The following CTNND2 variants were observed in gnomAD, a reference collection of about 807,000 sequenced individuals.
The protein encoded by CTNND2 is catenin delta 2.
Under a neutral mutation model 144.4 loss-of-function variants are expected in CTNND2, and 22 were observed. That is an observed-to-expected ratio of 0.15 (90% CI 0.11 to 0.22). The LOEUF (loss-of-function observed/expected upper bound fraction) is 0.22, where lower values mean the gene tolerates loss of function less well. Ranked by LOEUF, CTNND2 falls within the 10% of genes least tolerant of loss-of-function variation. The probability of loss-of-function intolerance (pLI) is 1.00; values close to 1 mark genes in which losing one functional copy is unlikely to be tolerated. For synonymous variants in CTNND2, 751 were observed against 695.6 expected (o/e 1.08, Z -1.25); for missense variants, 1,353 against 1,618.8 (o/e 0.84, Z 2.82).
intron 9 of CTNND2, among the ~76,000 whole-genome samples, chr5:11,283,787 C>T (rs1288304146): frequency 7.0e-6 from 1 of 143,410 alleles, no homozygotes; most frequent in African/African-American, 2.6e-5. Context: ...ATTATTCATA[C>T]ATTTTTAGAA....
intron 2 of CTNND2, among the ~76,000 whole-genome samples, chr5:11,642,073 T>C (rs972909731): frequency 1.3e-5 from 2 of 152,114 alleles, no homozygotes; most frequent in Non-Finnish European, 2.9e-5. Context: ...AATAGCAACA[T>C]TGTTTCTTAA....
chr5:11,140,018 T>C (rs67873410), intron 12 of CTNND2, among the ~76,000 whole-genome samples: 7,269 of 152,284 alleles, frequency 0.048, 270 homozygotes, highest in East Asian at 0.088. Context: ...CTTGAGATTA[T>C]AGGGATCCAC....
At chr5:11,415,753 C>A (rs1041549442) in intron 3 of CTNND2, among the ~76,000 whole-genome samples, 2 of 152,162 alleles carry the variant, frequency 1.3e-5, no homozygotes, top group African/African-American at 4.8e-5. Context: ...CCTCTCCTTG[C>A]AGGCACTTTG....
intron 16 of CTNND2, among the ~76,000 whole-genome samples, chr5:11,030,309 T>C (rs1328223968): frequency 1.3e-5 from 2 of 152,144 alleles, no homozygotes; most frequent in Non-Finnish European, 2.9e-5. Flanking sequence ...TTTTCAGCCA[T>C]TATTTCCTCT....
At chr5:11,353,880 T>C (rs990124579) in intron 8 of CTNND2, among the ~76,000 whole-genome samples, 2 of 152,130 alleles carry the variant, frequency 1.3e-5, no homozygotes, top group Non-Finnish European at 2.9e-5. Flanking sequence ...TCTCCTTCAA[T>C]TGAAGACAGA....
chr5:11,534,314 G>C (rs187511), intron 3 of CTNND2, among the ~76,000 whole-genome samples: 2 of 151,940 alleles, frequency 1.3e-5, no homozygotes, highest in African/African-American at 2.4e-5. Context: ...AAGAGCAGGG[G>C]ACAGAAATCC....
intron 16 of CTNND2, among the ~76,000 whole-genome samples, chr5:11,048,823 G>A (rs1421437180): frequency 6.6e-6 from 1 of 152,212 alleles, no homozygotes; most frequent in East Asian, 1.9e-4. Flanking sequence ...AGGTTTCCAG[G>A]TCTCCTTGAG....
At chr5:11,574,042 T>C (rs1423868930) in intron 2 of CTNND2, among the ~76,000 whole-genome samples, 1 of 152,076 alleles carries the variant, frequency 6.6e-6, no homozygotes, top group Non-Finnish European at 1.5e-5. Flanking sequence ...GACTCTAAAC[T>C]CTATCACAAT....
intron 11 of CTNND2, among the ~76,000 whole-genome samples, chr5:11,177,492 T>G (rs1490378766): frequency 6.6e-6 from 1 of 152,140 alleles, no homozygotes; most frequent in Non-Finnish European, 1.5e-5. Flanking sequence ...CACTCCTTAT[T>G]TGTGATTCCA....
chr5:11,445,214 C>A (rs923784826), intron 3 of CTNND2, among the ~76,000 whole-genome samples: 1 of 152,116 alleles, frequency 6.6e-6, no homozygotes, highest in Non-Finnish European at 1.5e-5. Flanking sequence ...CTTACAGATG[C>A]ATCACTTCAA....
At chr5:11,498,557 T>C (rs1770212516) in intron 3 of CTNND2, among the ~76,000 whole-genome samples, 2 of 152,296 alleles carry the variant, frequency 1.3e-5, no homozygotes, top group East Asian at 1.9e-4. Flanking sequence ...CAAAACATGA[T>C]GGCAAAAAAG....
intron 9 of CTNND2, among the ~76,000 whole-genome samples, chr5:11,308,743 C>T (rs975133766): frequency 3.5e-4 from 54 of 152,244 alleles, no homozygotes; most frequent in African/African-American, 1.2e-3. Flanking sequence ...TGGCTTGGAC[C>T]TTTCCATTCA....
rs574809865 is a variant in CTNND2, at chr5:11,097,657, G to A, written c.2637+918C>T. Among the ~76,000 whole-genome samples, 9 of 152,300 alleles carry A rather than the reference G, an allele frequency of 5.9e-5. No homozygotes were observed. In the East Asian group the frequency reaches 1.7e-3, roughly 29 times the overall value. On this transcript the variant is annotated intron_variant, in intron 15 of 21. Transcript: ENST00000304623. ...GGAGGGTGTAGTTACATAATGTTGA[G>A]GCCAGGGTGTGGTGAGTGTGTGACA...
chr5:11,163,125 A>G (rs891301774), intron 11 of CTNND2, among the ~76,000 whole-genome samples: 4 of 152,182 alleles, frequency 2.6e-5, no homozygotes, highest in African/African-American at 9.7e-5. Flanking sequence ...TCTTCTCTCC[A>G]TGAGTGGGGA....
intron 9 of CTNND2, among the ~76,000 whole-genome samples, chr5:11,238,980 CCTT>C (rs1197518179): frequency 6.6e-6 from 1 of 152,212 alleles, no homozygotes; most frequent in Non-Finnish European, 1.5e-5. Flanking sequence ...ATAGCACAGT[CCTT>C]CTTATAAAAG....
At chr5:11,260,430 A>AT (rs1744741248) in intron 9 of CTNND2, among the ~76,000 whole-genome samples, 1 of 152,200 alleles carries the variant, frequency 6.6e-6, no homozygotes, top group South Asian at 2.1e-4. Context: ...CGAAAACCCA[A>AT]TGAAAAAAAA....
At position 11,411,152 on chromosome 5, in the gene CTNND2, G is replaced by A. The variant is rs952623474; in HGVS notation, c.439+384C>T. On this transcript the variant is annotated intron_variant, in intron 5 of 21. Transcript: ENST00000304623. ...CTCCCAAAGTGCTGGGATTACAGGCGTAAACCACCGCGCCCGGCCAGCATT... is the reference window on the plus strand; with the variant it reads ...CTCCCAAAGTGCTGGGATTACAGGCATAAACCACCGCGCCCGGCCAGCATT... Among the ~76,000 whole-genome samples the A allele has an allele frequency of 3.9e-5, 6 of 152,050 alleles. No homozygotes were observed. The South Asian group carries it at 6.2e-4, about 16-fold the overall frequency.
At chr5:11,086,161 ATGG>A (rs1750113996) in intron 15 of CTNND2, among the ~76,000 whole-genome samples, 1 of 152,154 alleles carries the variant, frequency 6.6e-6, no homozygotes, top group Non-Finnish European at 1.5e-5. Context: ...AGTGGAGCAC[ATGG>A]TGGGAGCAGA....
chr5:11,024,264 A>C (rs2149541145), intron 16 of CTNND2, among the ~76,000 whole-genome samples: 1 of 152,294 alleles, frequency 6.6e-6, no homozygotes, highest in African/African-American at 2.4e-5. Flanking sequence ...TTAGAGAGAA[A>C]ATGCTGATAC....
Sources: allele counts gnomAD v4.1 joint callset (sites outside exome capture counted in the v4.1 genomes callset), GRCh38; gene constraint gnomAD v4.1.1; transcripts MANE v1.5; gene names NCBI Gene and HGNC (gene_info 2026-07-23, HGNC 2026-07-21).